The following ADGRL2 variants were observed in gnomAD, a reference collection of about 807,000 sequenced individuals.
The protein encoded by ADGRL2 is calcium-independent alpha-latrotoxin receptor 2.
In ADGRL2, 44 loss-of-function variants were observed where a neutral mutation model predicts 157.4. The ratio of observed to expected loss-of-function variants is 0.28; its 90% CI spans 0.22 to 0.36. ADGRL2 has a LOEUF of 0.36. ADGRL2 is among the 10% of genes least tolerant of loss of function. ADGRL2 has a pLI of 1.00. For synonymous variants in ADGRL2, 585 were observed against 624.7 expected (o/e 0.94, Z 0.95); for missense variants, 1,510 against 1,768.9 (o/e 0.85, Z 2.63).
chr1:81,763,015 T>C lies in ADGRL2; in HGVS notation c.-101+1163T>C, dbSNP rs370198694. Among the ~76,000 whole-genome samples, 128 of 120,440 alleles carry C rather than the reference T, an allele frequency of 1.1e-3. 1 individual carries two copies. The highest frequency in any genetic ancestry group is 4.1e-3 in the African/African-American group (123 of 30,156). The allele number at this position is 120,440 out of a possible 152,430, so 79.0% of individuals were successfully genotyped here. A position where few individuals can be genotyped will look rare whatever the true frequency, so the allele number is the denominator to read the frequency against. On this transcript the variant is annotated intron_variant, in intron 2 of 20. Coordinates refer to the ADGRL2 transcript ENST00000359929. ...TGCAGTGGGCCGAGTGCCACTGCAC[T>C]CCAGTCTGGGTGACAGAGCCAGACT...
intron 2 of ADGRL2, among the ~76,000 whole-genome samples, chr1:81,842,898 T>G (rs535308865): frequency 5.9e-5 from 9 of 152,192 alleles, no homozygotes; most frequent in Admixed American, 3.3e-4. Context: ...TTTCCCAATC[T>G]AACAAAATTA....
At chr1:81,702,807 T>G (rs2149038926) in intron 1 of ADGRL2, among the ~76,000 whole-genome samples, 1 of 152,316 alleles carries the variant, frequency 6.6e-6, no homozygotes, top group East Asian at 1.9e-4. Context: ...AAATGAATTC[T>G]AATGGGGTTA....
chr1:81,358,935 A>G (rs1326130298), intron 1 of ADGRL2, among the ~76,000 whole-genome samples: 2 of 152,104 alleles, frequency 1.3e-5, no homozygotes, highest in Non-Finnish European at 2.9e-5. Flanking sequence ...GAGCTAAAAT[A>G]TGGAAACTGG....
intron 2 of ADGRL2, among the ~76,000 whole-genome samples, chr1:81,535,070 A>G (rs1273749397): frequency 6.6e-6 from 1 of 152,122 alleles, no homozygotes; most frequent in African/African-American, 2.4e-5. Context: ...GTCTTATGTG[A>G]TTTAAAATAG....
At chr1:81,775,905 T>C (rs981306175) in intron 2 of ADGRL2, among the ~76,000 whole-genome samples, 1 of 152,228 alleles carries the variant, frequency 6.6e-6, no homozygotes, top group African/African-American at 2.4e-5. Flanking sequence ...TTTTCTAAAA[T>C]AAGGCCTTTT....
intron 1 of ADGRL2, among the ~76,000 whole-genome samples, chr1:81,353,816 A>C (rs1227235606): frequency 6.6e-6 from 1 of 152,196 alleles, no homozygotes; most frequent in Non-Finnish European, 1.5e-5. Context: ...TCACAAGAGA[A>C]GCCTTGACAG....
intron 2 of ADGRL2, among the ~76,000 whole-genome samples, chr1:81,853,753 G>A (rs186784460): frequency 9.0e-4 from 137 of 152,080 alleles, no homozygotes; most frequent in African/African-American, 3.1e-3. Flanking sequence ...TAAGGTTAAG[G>A]TTTTTATTTT....
chr1:81,925,470 G>T (rs995482606), intron 3 of ADGRL2, among the ~76,000 whole-genome samples: 8 of 151,392 alleles, frequency 5.3e-5, no homozygotes, highest in African/African-American at 1.7e-4. Context: ...TAAGTTTAGT[G>T]AAGAAATACA....
chr1:81,604,301 G>C (rs909880755), intron 3 of ADGRL2, among the ~76,000 whole-genome samples: 2 of 152,114 alleles, frequency 1.3e-5, no homozygotes, highest in African/African-American at 4.8e-5. Context: ...ATATAGATGA[G>C]CTACTTTGGT....
At chr1:81,482,381 G>T (rs1243061901) in intron 2 of ADGRL2, among the ~76,000 whole-genome samples, 1 of 151,598 alleles carries the variant, frequency 6.6e-6, no homozygotes, top group Admixed American at 6.6e-5. Context: ...AGTAATACGT[G>T]TTTATTATAG....
chr1:81,909,532 A>T (rs2148365451), intron 3 of ADGRL2, among the ~76,000 whole-genome samples: 1 of 152,326 alleles, frequency 6.6e-6, no homozygotes, highest in East Asian at 1.9e-4. Context: ...TTCCTAGCAG[A>T]TTTGGCTTTA....
At chr1:81,768,279 C>T (rs1011326428) in intron 2 of ADGRL2, among the ~76,000 whole-genome samples, 21 of 152,008 alleles carry the variant, frequency 1.4e-4, no homozygotes, top group Admixed American at 5.9e-4. Context: ...AACTCCTGGC[C>T]TCAAGCGGTA....
intron 3 of ADGRL2, among the ~76,000 whole-genome samples, chr1:81,679,215 G>T (rs1287194282): frequency 6.6e-6 from 1 of 152,162 alleles, no homozygotes; most frequent in Non-Finnish European, 1.5e-5. Context: ...TGTAAGAGGA[G>T]TCAGTGTTTC....
chr1:81,780,713 G>A (rs2086777665), intron 2 of ADGRL2, among the ~76,000 whole-genome samples: 1 of 152,140 alleles, frequency 6.6e-6, no homozygotes, highest in Non-Finnish European at 1.5e-5. Flanking sequence ...GGTTATGTAA[G>A]GTGGTATTGT....
intron 1 of ADGRL2, among the ~76,000 whole-genome samples, chr1:81,758,382 C>T (rs562572055): frequency 1.2e-4 from 19 of 152,240 alleles, no homozygotes; most frequent in African/African-American, 4.3e-4. Context: ...TACTCACTCC[C>T]TGGCATCTCC....
intron 3 of ADGRL2, among the ~76,000 whole-genome samples, chr1:81,592,484 T>A (rs2081151862): frequency 6.6e-6 from 1 of 152,168 alleles, no homozygotes; most frequent in Non-Finnish European, 1.5e-5. Context: ...CTGCCACCAG[T>A]GATAAGAGCC....
At chr1:81,756,080 T>C (rs981827773) in intron 1 of ADGRL2, among the ~76,000 whole-genome samples, 1 of 152,162 alleles carries the variant, frequency 6.6e-6, no homozygotes, top group Non-Finnish European at 1.5e-5. Flanking sequence ...CCCAGTCTTA[T>C]CAAGAAGAAT....
At chr1:81,922,261 C>T (rs908521827) in intron 3 of ADGRL2, among the ~76,000 whole-genome samples, 4 of 152,100 alleles carry the variant, frequency 2.6e-5, no homozygotes, top group African/African-American at 9.7e-5. Context: ...CAGCTTCTGT[C>T]CCCTTTCTTT....
At chr1:81,432,351 G>A (rs952702962) in intron 1 of ADGRL2, among the ~76,000 whole-genome samples, 40 of 152,322 alleles carry the variant, frequency 2.6e-4, no homozygotes, top group African/African-American at 9.6e-4. Flanking sequence ...TCAGCAAGCT[G>A]TCTTGATGTT....
Sources: gnomAD v4.1 joint callset for allele counts (sites outside exome capture counted in the v4.1 genomes callset) on GRCh38, gnomAD v4.1.1 for gene constraint, MANE v1.5 for transcripts, NCBI Gene and HGNC (gene_info 2026-07-23, HGNC 2026-07-21) for gene names.